Variants in RPTOR observed in about 807,000 individuals in gnomAD.
The protein encoded by RPTOR is regulatory associated protein of MTOR complex 1.
A neutral mutation model predicts 169.9 loss-of-function variants in RPTOR; 21 were observed. That is an observed-to-expected ratio of 0.12 (90% CI 0.09 to 0.18). The LOEUF is 0.18. Among genes scored for constraint, RPTOR ranks in the 10% least tolerant of loss-of-function variants. The pLI is 1.00. For missense variants in RPTOR, 1,133 were observed against 1,855.9 expected (o/e 0.61, Z 7.16); for synonymous variants, 732 against 753.2 (o/e 0.97, Z 0.46).
chr17:80,958,405 CTTTTTTTTTT>C (rs34955105), intron 29 of RPTOR, among the ~76,000 whole-genome samples: 3 of 83,666 alleles, frequency 3.6e-5, no homozygotes, highest in South Asian at 4.5e-4. Context: ...ATTTTTGTTT[CTTTTTTTTTT>C]TTTTTTTTTT....
At chr17:80,618,155 A>G (rs1044748810) in intron 1 of RPTOR, among the ~76,000 whole-genome samples, 1 of 151,786 alleles carries the variant, frequency 6.6e-6, no homozygotes, top group Non-Finnish European at 1.5e-5. Flanking sequence ...TAATTTATTT[A>G]TTTTTATATT....
At chr17:80,641,328 A>T (rs761440128) in intron 2 of RPTOR, among the ~76,000 whole-genome samples, 1 of 152,254 alleles carries the variant, frequency 6.6e-6, no homozygotes, top group Admixed American at 6.5e-5. Flanking sequence ...TGTCCATTGA[A>T]TTAGAACCAT....
chr17:80,554,605 G>A (rs1213056836), intron 1 of RPTOR, among the ~76,000 whole-genome samples: 6 of 152,040 alleles, frequency 3.9e-5, no homozygotes, highest in Non-Finnish European at 7.4e-5. Context: ...TTAGCCGGGC[G>A]AGGTGACGGG....
At chr17:80,549,195 A>G (rs1437895052) in intron 1 of RPTOR, among the ~76,000 whole-genome samples, 1 of 152,212 alleles carries the variant, frequency 6.6e-6, no homozygotes, top group East Asian at 1.9e-4. Context: ...TAAAATTATT[A>G]TCAAGTTAGT....
chr17:80,545,772 G>C lies in RPTOR; in HGVS notation c.143G>C (p.Ser48Thr). Reference protein sequence around the residue: ...KIEGSKSLAQSWRMKDRMKTV... With the variant: ...KIEGSKSLAQTWRMKDRMKTV... Reference sequence around the variant, plus strand: ...GAAGGCTCCAAATCCTTAGCTCAGAGCTGGAGGATGAAGGATCGGGTAAGT... The same window carrying C: ...GAAGGCTCCAAATCCTTAGCTCAGACCTGGAGGATGAAGGATCGGGTAAGT... The change falls in exon 1 of 34, where the codon AGC becomes ACC. Residue 48 changes from serine (S) to threonine (T), a missense_variant. By Grantham distance (58) the Ser-to-Thr change is moderately conservative. Coordinates refer to ENST00000306801, the MANE Select transcript of RPTOR (RefSeq NM_020761.3). 1 of 1,611,636 alleles carries C rather than the reference G, an allele frequency of 6.2e-7. No homozygotes were observed. The highest frequency in any genetic ancestry group is 8.5e-7 in the Non-Finnish European group (1 of 1,178,840).
At chr17:80,923,419 T>A (rs2068771174) in intron 22 of RPTOR, 71 bp from the exon 23 acceptor site, 1 of 1,567,138 alleles carries the variant, frequency 6.4e-7, no homozygotes, top group Non-Finnish European at 8.8e-7. Flanking sequence ...GCCCAGGAAG[T>A]TGTTCCATGT....
chr17:80,764,672 T>C (rs1403819422), intron 6 of RPTOR, among the ~76,000 whole-genome samples: 1 of 152,168 alleles, frequency 6.6e-6, no homozygotes, highest in Admixed American at 6.5e-5. Context: ...TTTGAGTATA[T>C]ACCCAGTAAT....
chr17:80,941,321 AAGGGATCCAGGCTGC>A (rs1359500439), intron 25 of RPTOR: 1 of 152,548 alleles, frequency 6.6e-6, no homozygotes, highest in Non-Finnish European at 1.5e-5. Flanking sequence ...CTCCTTGCGG[AAGGGATCCAGGCTGC>A]AGGCGGCCCC....
At chr17:80,712,717 A>G (rs1235656892) in intron 4 of RPTOR, among the ~76,000 whole-genome samples, 1 of 152,196 alleles carries the variant, frequency 6.6e-6, no homozygotes, top group African/African-American at 2.4e-5. Flanking sequence ...CGGTTAGAGT[A>G]TGCTTAGCTT....
At chr17:80,550,842 A>C (rs2084335449) in intron 1 of RPTOR, among the ~76,000 whole-genome samples, 1 of 152,144 alleles carries the variant, frequency 6.6e-6, no homozygotes, top group Admixed American at 6.6e-5. Context: ...TGGTCTCCCT[A>C]TGTCCATTCT....
chr17:80,831,050 A>G (rs901270075), intron 9 of RPTOR, among the ~76,000 whole-genome samples: 5 of 152,132 alleles, frequency 3.3e-5, no homozygotes, highest in Admixed American at 3.3e-4. Flanking sequence ...CCAATAGGGA[A>G]CATCATTTTA....
chr17:80,619,776 G>A (rs1212870622), intron 1 of RPTOR, among the ~76,000 whole-genome samples: 1 of 152,182 alleles, frequency 6.6e-6, no homozygotes, highest in Non-Finnish European at 1.5e-5. Context: ...TGTTATGTGA[G>A]ATGGGGCAGA....
intron 6 of RPTOR, among the ~76,000 whole-genome samples, chr17:80,762,233 G>A (rs769072755): frequency 6.6e-6 from 1 of 152,218 alleles, no homozygotes; most frequent in Non-Finnish European, 1.5e-5. Context: ...AGGGGCACGG[G>A]CTGCTGACTC....
chr17:80,932,431 A>G (rs533866702), intron 24 of RPTOR, among the ~76,000 whole-genome samples: 1 of 152,310 alleles, frequency 6.6e-6, no homozygotes, highest in East Asian at 1.9e-4. Context: ...GAAAGACCCA[A>G]GGGCAACCCA....
intron 14 of RPTOR, among the ~76,000 whole-genome samples, chr17:80,882,678 G>A (rs1005015205): frequency 3.9e-5 from 6 of 152,234 alleles, no homozygotes; most frequent in African/African-American, 1.4e-4. Context: ...ACCAGGAGGG[G>A]AAAGCAAGAT....
At chr17:80,585,353 C>G (rs369043084) in intron 1 of RPTOR, among the ~76,000 whole-genome samples, 1 of 151,870 alleles carries the variant, frequency 6.6e-6, no homozygotes, top group Admixed American at 6.6e-5. Flanking sequence ...TATAGGCACG[C>G]GCCACCTCGC....
chr17:80,880,621 C>A, intron 14 of RPTOR, 132 bp downstream of exon 14: 2 of 752,268 alleles, frequency 2.7e-6, no homozygotes, highest in Non-Finnish European at 2.3e-6. Context: ...GGGGCCACGT[C>A]CACGGGGTCA....
At chr17:80,883,614 C>A in intron 15 of RPTOR, 130 bp downstream of exon 15, 1 of 1,195,788 alleles carries the variant, frequency 8.4e-7, no homozygotes, top group Non-Finnish European at 1.2e-6. Flanking sequence ...CTTCATCTAG[C>A]CAGCCATTTG....
intron 3 of RPTOR, among the ~76,000 whole-genome samples, chr17:80,691,284 G>A (rs1203635567): frequency 9.1e-6 from 1 of 110,000 alleles, no homozygotes; most frequent in Non-Finnish European, 1.8e-5. Context: ...TGATATGTGT[G>A]TGTGCATGTC....
Sources: allele counts gnomAD v4.1 joint callset (sites outside exome capture counted in the v4.1 genomes callset), GRCh38; gene constraint gnomAD v4.1.1; transcripts MANE v1.5; gene names NCBI Gene and HGNC (gene_info 2026-07-23, HGNC 2026-07-21).